The following PFKFB1 variants were observed in gnomAD, a reference collection of about 807,000 sequenced individuals.
PFKFB1 encodes the protein 6-phosphofructo-2-kinase/fructose-2,6-biphosphatase 1, also known as 6-phosphofructo-2-kinase/fructose-2,6-bisphosphatase 1.
Under a neutral mutation model 46.4 loss-of-function variants are expected in PFKFB1, and 34 were observed. The observed-to-expected ratio is 0.73, with a 90% CI of 0.56 to 0.98. PFKFB1 has a LOEUF of 0.98. Ranked by LOEUF, PFKFB1 falls within the 50% of genes least tolerant of loss-of-function variation. The pLI is 0.00. For missense variants in PFKFB1, 393 were observed against 376.3 expected, an observed-to-expected ratio of 1.04 and a Z score of -0.37; for synonymous variants, 119 against 133.8, an observed-to-expected ratio of 0.89 and a Z score of 0.76.
At chrX:54,963,193 C>T in intron 2 of PFKFB1, 64 bp downstream of exon 2, 1 of 1,163,559 alleles carries the variant, frequency 8.6e-7, no homozygotes, top group Non-Finnish European at 1.2e-6. Context: ...GGCCTTCTAC[C>T]TAAGTAAGGT....
intron 4 of PFKFB1, 128 bp from the exon 5 acceptor site, chrX:54,959,053 T>C (rs892146048): frequency 1.3e-5 from 6 of 472,440 alleles, no homozygotes; most frequent in Admixed American, 1.2e-4. Flanking sequence ...TCTTGAAGGA[T>C]AGGAAGGATT....
At chrX:54,971,965 C>A (rs1934678002) in intron 1 of PFKFB1, among the ~76,000 whole-genome samples, 1 of 111,568 alleles carries the variant, frequency 9.0e-6, no homozygotes, top group South Asian at 3.8e-4. Flanking sequence ...TCTTCCTACC[C>A]ATGAGCATGG....
intron 10 of PFKFB1, among the ~76,000 whole-genome samples, chrX:54,940,302 A>C (rs1267520002): frequency 9.0e-6 from 1 of 111,507 alleles, no homozygotes; most frequent in African/African-American, 3.3e-5. Context: ...ATGGGCAAAA[A>C]CTGGAAGCAT....
intron 7 of PFKFB1, among the ~76,000 whole-genome samples, chrX:54,955,550 T>C (rs1934109809): frequency 9.0e-6 from 1 of 110,928 alleles, no homozygotes; most frequent in Admixed American, 9.6e-5. Flanking sequence ...AACCCACCTC[T>C]TTTGCCCCTA....
In PFKFB1 at chrX:54,988,820, C is replaced by T. The variant is rs112181205; in HGVS notation, c.97+5091G>A. Among the ~76,000 whole-genome samples, 1,037 of 111,961 alleles carry T rather than the reference C, an allele frequency of 9.3e-3. 4 individuals are homozygous for T. The highest frequency in any genetic ancestry group is 0.031 in the African/African-American group (968 of 30,822). On this transcript the variant is annotated intron_variant, in intron 1 of 13. Transcript: ENST00000375006. ...AACGAAGCTGGATTCCCATCTCACA[C>T]CACATGCAAATATTAACTCAGAATA...
intron 5 of PFKFB1, 44 bp from the exon 6 acceptor site, chrX:54,958,406 T>C: frequency 1.2e-6 from 1 of 859,978 alleles, no homozygotes; most frequent in Non-Finnish European, 1.7e-6. Context: ...GAAATTATGT[T>C]TGGTAGGAGC....
intron 9 of PFKFB1, among the ~76,000 whole-genome samples, chrX:54,946,568 C>G (rs772106091): frequency 8.9e-6 from 1 of 111,837 alleles, no homozygotes; most frequent in Admixed American, 9.5e-5. Context: ...ACAAACATCT[C>G]TGCAGTGTGA....
intron 12 of PFKFB1, 33 bp downstream of exon 12, chrX:54,934,914 T>G (rs769747066): frequency 1.2e-5 from 13 of 1,127,080 alleles, no homozygotes; most frequent in Non-Finnish European, 1.6e-5. Flanking sequence ...AGCCTCTATA[T>G]GCCTGTCCTT....
At chrX:54,933,511 C>T in intron 13 of PFKFB1, 49 bp from the exon 14 acceptor site, 1 of 961,789 alleles carries the variant, frequency 1.0e-6, no homozygotes, top group Non-Finnish European at 1.5e-6. Flanking sequence ...AGTGCAGGGC[C>T]CCAACCTCTC....
chrX:54,961,279 T>C (rs1249064646), intron 2 of PFKFB1, among the ~76,000 whole-genome samples: 2 of 111,286 alleles, frequency 1.8e-5, no homozygotes, highest in Non-Finnish European at 3.8e-5. Context: ...TAAAATGCCC[T>C]ACTCCAGTGG....
At chrX:54,968,237 C>T (rs573539778) in intron 1 of PFKFB1, among the ~76,000 whole-genome samples, 3 of 71,328 alleles carry the variant, frequency 4.2e-5, no homozygotes, top group South Asian at 1.1e-3. Flanking sequence ...AACCAAACAC[C>T]GCATATTCTC....
At chrX:54,946,027 G>A (rs753522710) in intron 9 of PFKFB1, among the ~76,000 whole-genome samples, 7 of 110,474 alleles carry the variant, frequency 6.3e-5, no homozygotes, top group Non-Finnish European at 9.4e-5. Context: ...GTGTGTGTAT[G>A]TGTGTGTATA....
chrX:54,950,103 T>A (rs982762576), intron 8 of PFKFB1, among the ~76,000 whole-genome samples: 8 of 112,225 alleles, frequency 7.1e-5, no homozygotes, highest in African/African-American at 2.6e-4. Context: ...CCTCTGTGTA[T>A]AGGTGTGTCG....
chrX:54,950,860 G>C (rs1459191478), intron 8 of PFKFB1, among the ~76,000 whole-genome samples: 1 of 112,581 alleles, frequency 8.9e-6, no homozygotes, highest in East Asian at 2.8e-4. Flanking sequence ...ATCTCCAGTG[G>C]GGGAGCTGAG....
chrX:54,987,062 A>G (rs961422401), intron 1 of PFKFB1, among the ~76,000 whole-genome samples: 3 of 111,395 alleles, frequency 2.7e-5, no homozygotes, highest in African/African-American at 6.5e-5. Context: ...TGACCAAGAA[A>G]AAAAAGAGAA....
At chrX:54,996,319 T>A (rs1255696821), upstream of PFKFB1, among the ~76,000 whole-genome samples, 1 of 112,618 alleles carries the variant, frequency 8.9e-6, no homozygotes, top group Non-Finnish European at 1.9e-5. Context: ...TCTTATTTGA[T>A]CCTTGCAAAC....
intron 10 of PFKFB1, among the ~76,000 whole-genome samples, chrX:54,943,870 G>A (rs1031741327): frequency 7.1e-5 from 8 of 111,931 alleles, no homozygotes; most frequent in Non-Finnish European, 1.1e-4. Context: ...AATGATCAGA[G>A]GAATTAGTAA....
intron 1 of PFKFB1, among the ~76,000 whole-genome samples, chrX:54,973,485 T>C (rs1055364528): frequency 2.7e-5 from 3 of 111,500 alleles, no homozygotes; most frequent in African/African-American, 9.8e-5. Flanking sequence ...TTTAGTGCTA[T>C]AAATTTCCCT....
intron 1 of PFKFB1, among the ~76,000 whole-genome samples, chrX:54,972,047 C>G (rs2146657600): frequency 9.0e-6 from 1 of 110,956 alleles, no homozygotes; most frequent in East Asian, 2.8e-4. Flanking sequence ...TTGAAGAAGT[C>G]CTTCACATCC....
Sources: gnomAD v4.1 joint callset for allele counts (sites outside exome capture counted in the v4.1 genomes callset) on GRCh38, gnomAD v4.1.1 for gene constraint, MANE v1.5 for transcripts, NCBI Gene and HGNC (gene_info 2026-07-23, HGNC 2026-07-21) for gene names.